Variants in COL8A1 observed in about 807,000 individuals in gnomAD.
The protein encoded by COL8A1 is collagen type VIII alpha 1 chain.
A neutral mutation model predicts 42.7 loss-of-function variants in COL8A1; 21 were observed. The observed-to-expected ratio is 0.49, with a 90% CI of 0.35 to 0.71. COL8A1 has a LOEUF of 0.71. Among genes scored for constraint, COL8A1 ranks in the 30% least tolerant of loss-of-function variants. The pLI is 0.01. For synonymous variants in COL8A1, 367 were observed against 369.1 expected, an observed-to-expected ratio of 0.99 and a Z score of 0.06; for missense variants, 788 against 962.4, an observed-to-expected ratio of 0.82 and a Z score of 2.40.
chr3:99,794,986 G>A lies in COL8A1; in HGVS notation c.1085G>A (p.Arg362Gln), dbSNP rs139380413. Residue 362 changes from arginine (R) to glutamine (Q), a missense_variant, in exon 4 of 4, where the codon CGG becomes CAG. Around this residue, in one of 4 missense-constraint regions of COL8A1, gnomAD observed 421 missense variants for 553.1 expected, o/e 0.76. Transcript: ENST00000652472. The surrounding 1 kb of genome is among the most constrained non-coding windows in gnomAD (Gnocchi z 4.3). ...GGCTTCCCAGGACCCAAAGGTGACCGGGGCATGGGAGGTGTTCCTGGGGCT... is the reference window on the plus strand; with the variant it reads ...GGCTTCCCAGGACCCAAAGGTGACCAGGGCATGGGAGGTGTTCCTGGGGCT... ...KPGFPGPKGD[R>Q]GMGGVPGALG... 8.6e-4 allele frequency: 1,378 copies of A among 1,604,860 alleles called. 1 individual carries two copies. The highest frequency in any genetic ancestry group is 1.0e-3 in the Non-Finnish European group (1,232 of 1,175,566).
chr3:99,782,114 C>A (rs1450042404), intron 2 of COL8A1, among the ~76,000 whole-genome samples: 1 of 152,008 alleles, frequency 6.6e-6, no homozygotes, highest in South Asian at 2.1e-4. Flanking sequence ...TTGTATTCAA[C>A]CTTTGAATGT....
In COL8A1 at chr3:99,795,953, C is replaced by G. The variant is rs140332231; in HGVS notation, c.2052C>G (p.Pro684=). Residue 684 remains proline, a synonymous_variant, in exon 4 of 4, where the codon CCC becomes CCG. Coordinates refer to ENST00000652472, the MANE Select transcript of COL8A1 (RefSeq NM_020351.4). The stretch of plus-strand genomic sequence containing the variant: ...TTGCTCTATTCAAGAACAACGAGCC[C>G]GTGATGTACACGTACGACGAGTACA... ...VWVALFKNNE[P]VMYTYDEYKK... 1.9e-6 allele frequency: 3 copies of G among 1,613,936 alleles called. No individual in the cohort carries two copies. Among genetic ancestry groups the G allele is most frequent in the Non-Finnish European group, 2.5e-6 (3 of 1,179,968 alleles).
At chr3:99,682,360 G>A (rs1396965692) in intron 1 of COL8A1, among the ~76,000 whole-genome samples, 2 of 152,156 alleles carry the variant, frequency 1.3e-5, no homozygotes, top group Non-Finnish European at 2.9e-5. Context: ...CAAGGCTGCA[G>A]TGAGCCAAGA....
intron 2 of COL8A1, among the ~76,000 whole-genome samples, chr3:99,774,405 T>C (rs919890419): frequency 2.6e-5 from 4 of 152,132 alleles, no homozygotes; most frequent in African/African-American, 9.7e-5. Flanking sequence ...ATTCAAAAGC[T>C]ATTTATGTTT....
chr3:99,719,471 G>A (rs73860415), intron 1 of COL8A1, among the ~76,000 whole-genome samples: 5,063 of 152,162 alleles, frequency 0.033, 281 homozygotes, highest in African/African-American at 0.11. Flanking sequence ...GAGCAAGACA[G>A]AGTCCTAATT....
chr3:99,686,559 T>G (rs1939058915), intron 1 of COL8A1, among the ~76,000 whole-genome samples: 1 of 152,146 alleles, frequency 6.6e-6, no homozygotes, highest in South Asian at 2.1e-4. Flanking sequence ...GGCAAAGGAA[T>G]ACAGTCTTCA....
chr3:99,676,682 A>T (rs1480029555), intron 1 of COL8A1, among the ~76,000 whole-genome samples: 1 of 152,110 alleles, frequency 6.6e-6, no homozygotes, highest in Non-Finnish European at 1.5e-5. Flanking sequence ...CTGTTATTCA[A>T]ATTATGCTAG....
At chr3:99,661,014 T>G (rs550092729) in intron 1 of COL8A1, among the ~76,000 whole-genome samples, 2 of 152,132 alleles carry the variant, frequency 1.3e-5, no homozygotes, top group Admixed American at 6.5e-5. Flanking sequence ...AGAGGCTAAA[T>G]TGGCATGGGT....
At chr3:99,770,189 G>C (rs1390561264) in intron 2 of COL8A1, among the ~76,000 whole-genome samples, 1 of 152,166 alleles carries the variant, frequency 6.6e-6, no homozygotes, top group African/African-American at 2.4e-5. Flanking sequence ...TGGCCCCTGG[G>C]TATAGGGCAG....
At chr3:99,728,699 A>C (rs2107380541) in intron 1 of COL8A1, among the ~76,000 whole-genome samples, 1 of 152,046 alleles carries the variant, frequency 6.6e-6, no homozygotes, top group Non-Finnish European at 1.5e-5. Context: ...TCAATTATTC[A>C]ATTAATTAAT....
intron 2 of COL8A1, among the ~76,000 whole-genome samples, chr3:99,790,034 G>C (rs563968503): frequency 5.3e-5 from 8 of 152,182 alleles, no homozygotes; most frequent in Admixed American, 5.2e-4. Context: ...CCCTCATCTG[G>C]CAGATGAAAA....
intron 1 of COL8A1, among the ~76,000 whole-genome samples, chr3:99,721,369 C>CAAA (rs34692096): frequency 3.4e-4 from 40 of 118,484 alleles, no homozygotes; most frequent in East Asian, 4.9e-4. Flanking sequence ...ACAATTTAGA[C>CAAA]AAAAAAAAAA....
At chr3:99,707,021 T>G (rs751716005) in intron 1 of COL8A1, 10 of 152,054 alleles carry the variant, frequency 6.6e-5, no homozygotes, top group Non-Finnish European at 1.3e-4. Flanking sequence ...AATAACATAG[T>G]AAGATAAAAT....
At chr3:99,736,220 T>C (rs1199184167) in intron 1 of COL8A1, among the ~76,000 whole-genome samples, 1 of 152,214 alleles carries the variant, frequency 6.6e-6, no homozygotes, top group East Asian at 1.9e-4. Context: ...CTCTTGCTTT[T>C]CTAGTTCCTT....
chr3:99,747,723 G>A (rs575832706), intron 2 of COL8A1, among the ~76,000 whole-genome samples: 1 of 152,162 alleles, frequency 6.6e-6, no homozygotes, highest in African/African-American at 2.4e-5. Context: ...TAATTTTACT[G>A]CAGAACATTA....
chr3:99,732,468 G>C (rs1340497076), intron 1 of COL8A1, among the ~76,000 whole-genome samples: 1 of 152,082 alleles, frequency 6.6e-6, no homozygotes, highest in South Asian at 2.1e-4. Context: ...CAGCAGCAAG[G>C]AGAAGTGCCA....
At chr3:99,728,953 C>T (rs1940420217) in intron 1 of COL8A1, among the ~76,000 whole-genome samples, 2 of 151,980 alleles carry the variant, frequency 1.3e-5, no homozygotes, top group Admixed American at 6.6e-5. Context: ...TTTAGAAGAC[C>T]TCTGACCATG....
intron 1 of COL8A1, among the ~76,000 whole-genome samples, chr3:99,652,796 T>C (rs1937888867): frequency 1.3e-5 from 2 of 152,320 alleles, no homozygotes; most frequent in Non-Finnish European, 2.9e-5. Flanking sequence ...AGGACACCCA[T>C]TTTAAACCTG....
At chr3:99,727,936 C>T (rs891991483) in intron 1 of COL8A1, among the ~76,000 whole-genome samples, 1 of 151,446 alleles carries the variant, frequency 6.6e-6, no homozygotes, top group Non-Finnish European at 1.5e-5. Context: ...TGACAAAATT[C>T]AACAACCCTT....
Sources: gnomAD v4.1 joint callset for allele counts (sites outside exome capture counted in the v4.1 genomes callset) on GRCh38, gnomAD v4.1.1 for gene constraint, gnomAD v4.1.1 regional missense constraint, Gnocchi (gnomAD v3.1) non-coding constraint, MANE v1.5 for transcripts, NCBI Gene and HGNC (gene_info 2026-07-23, HGNC 2026-07-21) for gene names.